The following GALNT18 variants were observed in gnomAD, a reference collection of about 807,000 sequenced individuals.
GALNT18 encodes the protein GalNAc-transferase 18.
In GALNT18, 44 loss-of-function variants were observed where a neutral mutation model predicts 69.5. That is an observed-to-expected ratio of 0.63 (90% CI 0.50 to 0.81). GALNT18 has a LOEUF of 0.81. Among genes scored for constraint, GALNT18 ranks in the 40% least tolerant of loss-of-function variants. The pLI, the probability that GALNT18 is intolerant of heterozygous loss-of-function variation, is 0.00. For synonymous variants in GALNT18, 364 were observed against 318.2 expected, an observed-to-expected ratio of 1.14 and a Z score of -1.53; for missense variants, 715 against 810.0, an observed-to-expected ratio of 0.88 and a Z score of 1.42.
At position 11,462,465 on chromosome 11, in the gene GALNT18, A is replaced by AT. The variant is rs200534380; in HGVS notation, c.236-13530dup. Among the ~76,000 whole-genome samples the AT allele has an allele frequency of 4.7e-3, 708 of 150,368 alleles. 5 individuals carry two copies. The highest frequency in any genetic ancestry group is 0.016 in the African/African-American group (651 of 40,896). On this transcript the variant is annotated intron_variant, in intron 1 of 10. Coordinates refer to ENST00000227756, the MANE Select transcript of GALNT18 (RefSeq NM_198516.3). Reference sequence around the variant, plus strand: ...CTAATTTTTTATTTATTTATTTTTTATTTTTTTAGTAGTGGTGGGGTTTCA... The same window carrying AT: ...CTAATTTTTTATTTATTTATTTTTTATTTTTTTTAGTAGTGGTGGGGTTTCA...
chr11:11,324,361 A>G (rs1210797203), intron 9 of GALNT18, among the ~76,000 whole-genome samples: 2 of 152,252 alleles, frequency 1.3e-5, no homozygotes, highest in East Asian at 1.9e-4. Flanking sequence ...GGTTGTTCAT[A>G]GCAGCAGTAT....
chr11:11,457,222 G>A (rs371374134), intron 1 of GALNT18, among the ~76,000 whole-genome samples: 1 of 152,222 alleles, frequency 6.6e-6, no homozygotes, highest in East Asian at 1.9e-4. Flanking sequence ...ATGGAGTGGG[G>A]AGGAAACGGG....
At chr11:11,452,778 G>A (rs1855833029) in intron 1 of GALNT18, among the ~76,000 whole-genome samples, 1 of 152,176 alleles carries the variant, frequency 6.6e-6, no homozygotes, top group Non-Finnish European at 1.5e-5. Context: ...CTGGCATCTA[G>A]GGATGAGGCA....
intron 7 of GALNT18, among the ~76,000 whole-genome samples, chr11:11,334,232 T>C (rs1850069878): frequency 6.6e-6 from 1 of 152,062 alleles, no homozygotes; most frequent in South Asian, 2.1e-4. Context: ...CATCAGACAA[T>C]GTGGGCTTGA....
chr11:11,289,366 C>G lies in GALNT18; in HGVS notation c.1677+3663G>C, dbSNP rs899964447. Among the ~76,000 whole-genome samples the G allele has an allele frequency of 2.6e-5, 4 of 152,186 alleles. No homozygotes were observed. In the South Asian group the frequency reaches 8.3e-4, roughly 32 times the overall value. On this transcript the variant is annotated intron_variant, in intron 10 of 10. Transcript: ENST00000227756. ...CAAATATATGGTTGCCAAAGCACTCCGGGGAGTTTTAAGTAGACATATGCC... is the reference window on the plus strand; with the variant it reads ...CAAATATATGGTTGCCAAAGCACTCGGGGGAGTTTTAAGTAGACATATGCC...
In GALNT18 at chr11:11,605,613, A is replaced by T. The variant is rs1565038187; in HGVS notation, c.235+15746T>A. On this transcript the variant is annotated intron_variant, in intron 1 of 10. Transcript: ENST00000227756. This position sits in a 1 kb window ranked among gnomAD's most constrained non-coding sequence, Gnocchi z 4.7. The stretch of plus-strand genomic sequence containing the variant: ...TGTTTCCTTTCTTGAAAATGAAGCT[A>T]TGCTTTCTCCTTTCTAGTGACTCTT... Among the ~76,000 whole-genome samples, 1 of 152,160 alleles carries T rather than the reference A, an allele frequency of 6.6e-6. No homozygotes were observed. Among genetic ancestry groups the T allele is most frequent in the African/African-American group, 2.4e-5 (1 of 41,442 alleles).
Position 11,306,474 on chromosome 11 carries a change from C to G in GALNT18, c.1513-13281G>C, listed in dbSNP as rs1849581157. ...GATATAAGTCTCTCTATTTCACTTG[C>G]TCCAACACCATCTCCATCTCCATTT... On this transcript the variant is annotated intron_variant, in intron 9 of 10. Transcript: ENST00000227756. Among the ~76,000 whole-genome samples the G allele has an allele frequency of 3.9e-5, 6 of 152,158 alleles. No individual in the cohort carries two copies. The South Asian group carries it at 1.2e-3, about 32-fold the overall frequency.
At chr11:11,353,250 G>T in intron 6 of GALNT18, 1 of 1,112,606 alleles carries the variant, frequency 9.0e-7, no homozygotes, top group Non-Finnish European at 1.3e-6. Context: ...AGCGGCAGCG[G>T]CTGTGGCCGC....
At chr11:11,429,353 C>T (rs1855213686) in intron 3 of GALNT18, among the ~76,000 whole-genome samples, 1 of 152,240 alleles carries the variant, frequency 6.6e-6, no homozygotes, top group African/African-American at 2.4e-5. Context: ...AGTATTCTCT[C>T]AAGCTTCTAA....
In GALNT18 at chr11:11,379,262, C is replaced by T. The variant is rs1361424339; in HGVS notation, c.598G>A (p.Glu200Lys). ...TATTCGGTCAGCTTCTCCTTCAGTTCCTCTGTCAGGGAGAAAATGCAGCCT... is the reference window on the plus strand; with the variant it reads ...TATTCGGTCAGCTTCTCCTTCAGTTTCTCTGTCAGGGAGAAAATGCAGCCT... ...ILVDDNSSNEELKEKLTEYVD... is the reference protein window; with the variant it reads ...ILVDDNSSNEKLKEKLTEYVD... Residue 200 changes from glutamate to lysine, a missense_variant and splice_region_variant, in exon 4 of 11, where the codon GAA becomes AAA. By Grantham distance (56) the Glu-to-Lys change is moderately conservative (BLOSUM62 1). Coordinates refer to ENST00000227756, the MANE Select transcript of GALNT18 (RefSeq NM_198516.3). 1.2e-6 allele frequency: 2 copies of T among 1,611,476 alleles called. No individual in the cohort carries two copies. The highest frequency in any genetic ancestry group is 1.1e-5 in the South Asian group (1 of 90,524).
At position 11,404,458 on chromosome 11, in the gene GALNT18, G is replaced by A. The variant is rs951034547; in HGVS notation, c.596-25194C>T. Among the ~76,000 whole-genome samples, 2 of 152,218 alleles carry A rather than the reference G, an allele frequency of 1.3e-5. No homozygotes were observed. The highest frequency in any genetic ancestry group is 4.8e-5 in the African/African-American group (2 of 41,448). On this transcript the variant is annotated intron_variant, in intron 3 of 10. Transcript: ENST00000227756. This position sits in a 1 kb window ranked among gnomAD's most constrained non-coding sequence, Gnocchi z 4.5. Reference sequence around the variant, plus strand: ...GGAGCTGAAGCACTCAAAGGCTGATGTAAGCCCTGGCCCGGAAGGAGTTAA... The same window carrying A: ...GGAGCTGAAGCACTCAAAGGCTGATATAAGCCCTGGCCCGGAAGGAGTTAA...
chr11:11,352,189 A>C, intron 6 of GALNT18: 1 of 1,613,672 alleles, frequency 6.2e-7, no homozygotes. Context: ...GTAAGCCGTG[A>C]CTGGTGGTCA....
intron 1 of GALNT18, among the ~76,000 whole-genome samples, chr11:11,611,524 AT>A (rs1859899825): frequency 6.6e-6 from 1 of 152,200 alleles, no homozygotes. Flanking sequence ...AGGAGTTATC[AT>A]GGAACAGAGA....
At chr11:11,370,238 C>T (rs1356471090) in intron 6 of GALNT18, among the ~76,000 whole-genome samples, 1 of 152,178 alleles carries the variant, frequency 6.6e-6, no homozygotes, top group East Asian at 1.9e-4. Context: ...TAATCTGCCT[C>T]TGCTTAAGAG....
chr11:11,329,722 C>T (rs73417692), intron 8 of GALNT18, among the ~76,000 whole-genome samples: 1 of 152,130 alleles, frequency 6.6e-6, no homozygotes, highest in Non-Finnish European at 1.5e-5. Context: ...ACAAAGGAGA[C>T]AGTCAACACT....
Position 11,616,801 on chromosome 11 carries a change from G to A in GALNT18, c.235+4558C>T, listed in dbSNP as rs192661609. ...CACTATTTGTACTTGTCACTGTAAC[G>A]GCATAACCTAATCACGTATTATATA... On this transcript the variant is annotated intron_variant, in intron 1 of 10. Transcript: ENST00000227756. This position sits in a 1 kb window ranked among gnomAD's most constrained non-coding sequence, Gnocchi z 4.4. Among the ~76,000 whole-genome samples the A allele has an allele frequency of 7.9e-5, 12 of 152,246 alleles. No individual in the cohort carries two copies. Among genetic ancestry groups the A allele is most frequent in the African/African-American group, 2.4e-4 (10 of 41,552 alleles).
Position 11,432,677 on chromosome 11 carries a change from C to A in GALNT18, c.539G>T (p.Arg180Leu). Residue 180 changes from arginine to leucine, a missense_variant, in exon 3 of 11, where the codon CGC becomes CTC. By Grantham distance (102) the Arg-to-Leu change is moderately radical. Transcript: ENST00000227756. The surrounding 1 kb of genome is among the most constrained non-coding windows in gnomAD (Gnocchi z 5.8). ...LLRSIHSAMERTPPHLLKEII... is the reference protein window; with the variant it reads ...LLRSIHSAMELTPPHLLKEII... Reference sequence around the variant, plus strand: ...CTCCTTGAGCAGATGTGGGGGCGTGCGTTCCATGGCCGAGTGGATGGAGCG... The same window carrying A: ...CTCCTTGAGCAGATGTGGGGGCGTGAGTTCCATGGCCGAGTGGATGGAGCG... The A allele has an allele frequency of 1.9e-6, 3 of 1,612,916 alleles. No individual in the cohort carries two copies. The highest frequency in any genetic ancestry group is 2.5e-6 in the Non-Finnish European group (3 of 1,179,498).
intron 9 of GALNT18, among the ~76,000 whole-genome samples, chr11:11,303,160 G>T (rs1001746179): frequency 6.6e-6 from 1 of 152,152 alleles, no homozygotes; most frequent in African/African-American, 2.4e-5. Context: ...GACTTTTCTG[G>T]CTGCAGGAGC....
chr11:11,410,722 C>T (rs1370694010), intron 3 of GALNT18, among the ~76,000 whole-genome samples: 2 of 152,200 alleles, frequency 1.3e-5, no homozygotes, highest in Admixed American at 6.5e-5. Context: ...TTTAGTTGAA[C>T]GATGGCTGTC....
Sources: allele counts gnomAD v4.1 joint callset (sites outside exome capture counted in the v4.1 genomes callset), GRCh38; gene constraint gnomAD v4.1.1; non-coding constraint Gnocchi (gnomAD v3.1); transcripts MANE v1.5; gene names NCBI Gene and HGNC (gene_info 2026-07-23, HGNC 2026-07-21).